The following NCKAP5 variants were observed in gnomAD, a reference collection of about 807,000 sequenced individuals.
NCKAP5 encodes nck-associated protein 5.
A neutral mutation model predicts 167.0 loss-of-function variants in NCKAP5; 92 were observed. The ratio of observed to expected loss-of-function variants is 0.55; its 90% CI spans 0.47 to 0.66. The LOEUF (loss-of-function observed/expected upper bound fraction) is 0.66. Ranked by LOEUF, NCKAP5 falls within the 30% of genes least tolerant of loss-of-function variation. The pLI is 0.00. For missense variants in NCKAP5, 2,378 were observed against 2,315.0 expected, an observed-to-expected ratio of 1.03 and a Z score of -0.56; for synonymous variants, 891 against 877.4, an observed-to-expected ratio of 1.02 and a Z score of -0.27.
chr2:133,118,252 C>A lies in NCKAP5; in HGVS notation c.341+11726G>T, dbSNP rs775254449. ...GCTTACTTATTTCTGTGTCTCCACACCTTGCTTAGCATAGAGCCAAACCAA... is the reference window on the plus strand; with the variant it reads ...GCTTACTTATTTCTGTGTCTCCACAACTTGCTTAGCATAGAGCCAAACCAA... On this transcript the variant is annotated intron_variant, in intron 6 of 19. Coordinates refer to ENST00000409261, the MANE Select transcript of NCKAP5 (RefSeq NM_207363.3). 2.0e-5 allele frequency: 3 copies of A among 152,068 alleles called. No homozygotes were observed. In the South Asian group the frequency reaches 6.2e-4, roughly 32 times the overall value. 9.4% of individuals were successfully genotyped at this position (152,068 alleles called of 1,614,324 possible).
intron 3 of NCKAP5, among the ~76,000 whole-genome samples, chr2:133,349,077 C>G (rs1451282012): frequency 3.9e-5 from 6 of 152,182 alleles, no homozygotes. Flanking sequence ...CCTTAACAAT[C>G]TAAAAATGCT....
At chr2:133,465,987 T>A (rs910321670) in intron 3 of NCKAP5, among the ~76,000 whole-genome samples, 16 of 151,924 alleles carry the variant, frequency 1.1e-4, no homozygotes, top group African/African-American at 3.9e-4. Flanking sequence ...GTAGTTTCTT[T>A]TGCTGTGCAG....
At chr2:133,002,051 T>A (rs1421215339) in intron 6 of NCKAP5, among the ~76,000 whole-genome samples, 1 of 152,190 alleles carries the variant, frequency 6.6e-6, no homozygotes, top group African/African-American at 2.4e-5. Flanking sequence ...ATAAGAAAGC[T>A]GAGCATCCCC....
At chr2:133,140,281 T>G (rs2082947929) in intron 5 of NCKAP5, among the ~76,000 whole-genome samples, 1 of 152,206 alleles carries the variant, frequency 6.6e-6, no homozygotes, top group Non-Finnish European at 1.5e-5. Context: ...GTTTTTTGTT[T>G]TTGTTGTAGC....
the NCKAP5 span, among the ~76,000 whole-genome samples, chr2:133,608,298 T>G: frequency 6.6e-6 from 1 of 152,216 alleles, no homozygotes; most frequent in Non-Finnish European, 1.5e-5. Flanking sequence ...ATGGTCTTCA[T>G]TCTGCTTAAG....
chr2:133,524,268 C>A (rs1465818849), intron 2 of NCKAP5, among the ~76,000 whole-genome samples: 2 of 152,314 alleles, frequency 1.3e-5, no homozygotes, highest in East Asian at 3.9e-4. Flanking sequence ...TTGTTGGTAG[C>A]AGCAACTACC....
chr2:132,978,596 C>A (rs187853055), intron 7 of NCKAP5, among the ~76,000 whole-genome samples: 118 of 152,298 alleles, frequency 7.7e-4, no homozygotes, highest in African/African-American at 2.6e-3. Flanking sequence ...GACTTGCTGA[C>A]CATCCTGATC....
intron 11 of NCKAP5, among the ~76,000 whole-genome samples, chr2:132,801,587 A>C (rs1685040155): frequency 6.6e-6 from 1 of 152,200 alleles, no homozygotes; most frequent in Admixed American, 6.5e-5. Context: ...GGATTGTGTG[A>C]AGAGCTAAGA....
chr2:133,558,016 T>G (rs191891513), intron 2 of NCKAP5: 35 of 152,336 alleles, frequency 2.3e-4, no homozygotes, highest in African/African-American at 7.9e-4. Flanking sequence ...TTCTCCCCCT[T>G]CACTTTGCAG....
intron 16 of NCKAP5, among the ~76,000 whole-genome samples, chr2:132,751,320 C>T (rs1447639344): frequency 1.3e-5 from 2 of 152,094 alleles, no homozygotes; most frequent in Non-Finnish European, 2.9e-5. Flanking sequence ...CCTTTGCCTT[C>T]CAGCATGAGT....
At chr2:133,525,004 ACT>A (rs1461738289) in intron 2 of NCKAP5, among the ~76,000 whole-genome samples, 1 of 152,090 alleles carries the variant, frequency 6.6e-6, no homozygotes, top group Non-Finnish European at 1.5e-5. Flanking sequence ...ATTCACATGC[ACT>A]CTGACAACAA....
rs141195686 is a variant in NCKAP5 at position 133,537,807 on chromosome 2, C to T, written c.-61-20220G>A. The stretch of plus-strand genomic sequence containing the variant: ...TATCTGAATTAAACAAATTGAGATG[C>T]TTAGCCTCCTCAATTAAATCACTTA... On this transcript the variant is annotated intron_variant, in intron 2 of 19. Transcript: ENST00000409261. 1.4e-4 allele frequency among the ~76,000 whole-genome samples: 22 copies of T among 152,202 alleles called. No individual in the cohort carries two copies. The East Asian group carries it at 4.1e-3, about 28-fold the overall frequency.
chr2:133,083,451 A>G (rs2080879784), intron 6 of NCKAP5, among the ~76,000 whole-genome samples: 1 of 152,196 alleles, frequency 6.6e-6, no homozygotes, highest in South Asian at 2.1e-4. Context: ...GTTGTGACAC[A>G]AGACTTAACA....
chr2:132,747,321 A>T (rs1215809793), intron 16 of NCKAP5, among the ~76,000 whole-genome samples: 2 of 152,238 alleles, frequency 1.3e-5, no homozygotes, highest in East Asian at 3.8e-4. Flanking sequence ...GCAAGAAAGC[A>T]TCTTCAAGAA....
At chr2:133,450,767 A>G (rs1277042603) in intron 3 of NCKAP5, among the ~76,000 whole-genome samples, 3 of 152,166 alleles carry the variant, frequency 2.0e-5, no homozygotes, top group Admixed American at 6.6e-5. Context: ...CTTCTGGTTG[A>G]CATCAATCTT....
At chr2:132,895,346 C>CAAAAAAAAAAAAA (rs563409400) in intron 8 of NCKAP5, among the ~76,000 whole-genome samples, 1 of 71,928 alleles carries the variant, frequency 1.4e-5, no homozygotes, top group Non-Finnish European at 3.6e-5. Context: ...GACTCTGTCT[C>CAAAAAAAAAAAAA]AAAAAAAAAA....
At chr2:133,128,945 ATTTTT>A (rs10584100) in intron 6 of NCKAP5, among the ~76,000 whole-genome samples, 3 of 130,084 alleles carry the variant, frequency 2.3e-5, no homozygotes, top group Admixed American at 7.6e-5. Flanking sequence ...AAACTCACTG[ATTTTT>A]TTTTTTTTTT....
At chr2:133,673,457 A>G in the NCKAP5 span, among the ~76,000 whole-genome samples, 7 of 152,250 alleles carry the variant, frequency 4.6e-5, no homozygotes, top group Non-Finnish European at 8.8e-5. Context: ...ACAGCCCACC[A>G]AGCACACAGC....
chr2:132,869,440 G>A (rs1262006234), intron 9 of NCKAP5, among the ~76,000 whole-genome samples: 1 of 152,120 alleles, frequency 6.6e-6, no homozygotes, highest in East Asian at 1.9e-4. Flanking sequence ...CTAGCATAGG[G>A]ACAACTCATT....
Sources: allele counts gnomAD v4.1 joint callset (sites outside exome capture counted in the v4.1 genomes callset), GRCh38; gene constraint gnomAD v4.1.1; transcripts MANE v1.5; gene names NCBI Gene and HGNC (gene_info 2026-07-23, HGNC 2026-07-21).